The following SLC9A9 variants were observed in gnomAD, a reference collection of about 807,000 sequenced individuals.
SLC9A9 encodes the protein solute carrier family 9 member A9.
In SLC9A9, 62 loss-of-function variants were observed where a neutral mutation model predicts 77.8. The ratio of observed to expected loss-of-function variants is 0.80; its 90% CI spans 0.65 to 0.98. The LOEUF (loss-of-function observed/expected upper bound fraction) is 0.98. SLC9A9 is among the 50% of genes least tolerant of loss of function. SLC9A9 has a pLI of 0.00. For synonymous variants in SLC9A9, 320 were observed against 283.5 expected, an observed-to-expected ratio of 1.13 and a Z score of -1.29; for missense variants, 775 against 774.9, an observed-to-expected ratio of 1.00 and a Z score of 0.00.
At position 143,391,716 on chromosome 3, in the gene SLC9A9, G is replaced by A. The variant is rs994088062; in HGVS notation, c.1470-9602C>T. ...TAAAAACTTTGAAAAAAGATTAGAC[G>A]AATGGCTAACTAGAATAACCAGTGT... On this transcript the variant is annotated intron_variant, in intron 12 of 15. Coordinates refer to ENST00000316549, the MANE Select transcript of SLC9A9 (RefSeq NM_173653.4). Among the ~76,000 whole-genome samples the A allele has an allele frequency of 9.9e-5, 15 of 152,182 alleles. No homozygotes were observed. In the South Asian group the frequency reaches 1.7e-3, roughly 17 times the overall value.
intron 14 of SLC9A9, among the ~76,000 whole-genome samples, chr3:143,326,353 C>T (rs2031602324): frequency 6.6e-6 from 1 of 152,206 alleles, no homozygotes; most frequent in African/African-American, 2.4e-5. Flanking sequence ...TTGATGGACA[C>T]TTAGTTCACT....
chr3:143,374,164 A>G (rs942384307), intron 13 of SLC9A9, among the ~76,000 whole-genome samples: 1 of 151,968 alleles, frequency 6.6e-6, no homozygotes, highest in Non-Finnish European at 1.5e-5. Flanking sequence ...GGTGGCTCAC[A>G]CCTCTAATCC....
chr3:143,762,102 A>G (rs1490485895), intron 4 of SLC9A9, among the ~76,000 whole-genome samples: 1 of 152,134 alleles, frequency 6.6e-6, no homozygotes, highest in Non-Finnish European at 1.5e-5. Context: ...CAAAAAACCA[A>G]ACACCGCATG....
chr3:143,801,119 C>A (rs979752078), intron 2 of SLC9A9, among the ~76,000 whole-genome samples: 8 of 152,188 alleles, frequency 5.3e-5, no homozygotes, highest in Admixed American at 4.6e-4. Context: ...TCTTTCCATT[C>A]CTTGAAGACA....
intron 6 of SLC9A9, among the ~76,000 whole-genome samples, chr3:143,606,127 C>T (rs571249296): frequency 9.5e-5 from 13 of 137,408 alleles, no homozygotes; most frequent in Admixed American, 7.2e-4. Context: ...AGGCTGGGCA[C>T]GGTGGCTCAG....
intron 12 of SLC9A9, among the ~76,000 whole-genome samples, chr3:143,412,202 C>T (rs2034108283): frequency 6.6e-6 from 1 of 152,036 alleles, no homozygotes; most frequent in African/African-American, 2.4e-5. Flanking sequence ...CCAGGTGTTG[C>T]AAGATGCAAT....
chr3:143,406,166 G>A (rs1002651762), intron 12 of SLC9A9, among the ~76,000 whole-genome samples: 8 of 151,948 alleles, frequency 5.3e-5, no homozygotes, highest in Non-Finnish European at 1.2e-4. Flanking sequence ...TTAGTTTTGG[G>A]GTTTCTCTTT....
At chr3:143,554,658 G>A (rs890479374) in intron 8 of SLC9A9, among the ~76,000 whole-genome samples, 2 of 152,136 alleles carry the variant, frequency 1.3e-5, no homozygotes, top group Admixed American at 6.5e-5. Flanking sequence ...ATGGATTCCT[G>A]TGGCTTAAAA....
intron 6 of SLC9A9, among the ~76,000 whole-genome samples, chr3:143,622,795 G>C (rs1319611718): frequency 2.0e-5 from 3 of 152,118 alleles, no homozygotes; most frequent in Non-Finnish European, 4.4e-5. Context: ...TGGGCTAAAT[G>C]CTCCAATTTA....
intron 5 of SLC9A9, among the ~76,000 whole-genome samples, chr3:143,659,595 G>A (rs1224262961): frequency 6.6e-6 from 1 of 152,170 alleles, no homozygotes; most frequent in Non-Finnish European, 1.5e-5. Flanking sequence ...ATTGAGAAGA[G>A]TCAACACTGG....
At chr3:143,649,124 A>T (rs898396466) in intron 6 of SLC9A9, among the ~76,000 whole-genome samples, 7 of 152,176 alleles carry the variant, frequency 4.6e-5, no homozygotes, top group Non-Finnish European at 8.8e-5. Context: ...CTCTTAACCT[A>T]GACTTCTTTC....
chr3:143,802,915 A>G (rs1435391975), intron 2 of SLC9A9, among the ~76,000 whole-genome samples: 2 of 152,138 alleles, frequency 1.3e-5, no homozygotes, highest in African/African-American at 2.4e-5. Context: ...CTTGTCCCAG[A>G]CACCAGCCCT....
chr3:143,470,263 G>T (rs2035355725), intron 11 of SLC9A9, among the ~76,000 whole-genome samples: 1 of 152,012 alleles, frequency 6.6e-6, no homozygotes, highest in South Asian at 2.1e-4. Context: ...TGGATTACCT[G>T]AGGTCAGGAA....
chr3:143,366,932 T>C (rs746163516), intron 13 of SLC9A9, among the ~76,000 whole-genome samples: 4 of 152,156 alleles, frequency 2.6e-5, no homozygotes, highest in Non-Finnish European at 5.9e-5. Flanking sequence ...CCCCAAAACA[T>C]AATGAAAATT....
intron 12 of SLC9A9, among the ~76,000 whole-genome samples, chr3:143,464,160 G>C (rs708484): frequency 2.6e-5 from 4 of 151,990 alleles, no homozygotes; most frequent in Non-Finnish European, 5.9e-5. Flanking sequence ...GTGTCTCTTG[G>C]GTTTCTCCAT....
rs537131568 is a variant in SLC9A9 at position 143,633,953 on chromosome 3, C to CA, written c.755+18301dup. On this transcript the variant is annotated intron_variant, in intron 6 of 15. Transcript: ENST00000316549. Reference sequence around the variant, plus strand: ...CATTGCCCCACACTATCTATTAAAACACCCAAACTGTTGCCTTTATATTGG... The same window carrying CA: ...CATTGCCCCACACTATCTATTAAAACAACCCAAACTGTTGCCTTTATATTGG... Among the ~76,000 whole-genome samples, 54 of 152,290 alleles carry CA rather than the reference C, an allele frequency of 3.5e-4. No individual in the cohort carries two copies. In the East Asian group the frequency reaches 8.7e-3, roughly 24 times the overall value.
intron 1 of SLC9A9, among the ~76,000 whole-genome samples, chr3:143,841,446 A>G (rs748185331): frequency 2.0e-5 from 3 of 152,180 alleles, no homozygotes; most frequent in Non-Finnish European, 4.4e-5. Context: ...TATTTGTGTT[A>G]GCTATTTTTA....
At chr3:143,817,340 G>T in intron 2 of SLC9A9, among the ~76,000 whole-genome samples, 1 of 149,562 alleles carries the variant, frequency 6.7e-6, no homozygotes. Context: ...AGTAGAGACG[G>T]GGTTTCACCT....
chr3:143,315,868 A>G lies in SLC9A9; in HGVS notation c.1605-46888T>C, dbSNP rs191530782. Reference sequence around the variant, plus strand: ...ACAATCCCATGGCCCTATGCTGTGAAGAGCAGAGAAAGAAACATGGCCTGA... The same window carrying G: ...ACAATCCCATGGCCCTATGCTGTGAGGAGCAGAGAAAGAAACATGGCCTGA... On this transcript the variant is annotated intron_variant, in intron 14 of 15. Coordinates refer to ENST00000316549, the MANE Select transcript of SLC9A9 (RefSeq NM_173653.4). Among the ~76,000 whole-genome samples, 249 of 152,362 alleles carry G rather than the reference A, an allele frequency of 1.6e-3. 3 individuals are homozygous for G. The highest frequency in any genetic ancestry group is 5.5e-3 in the African/African-American group (227 of 41,580).
Sources: allele counts gnomAD v4.1 joint callset (sites outside exome capture counted in the v4.1 genomes callset), GRCh38; gene constraint gnomAD v4.1.1; transcripts MANE v1.5; gene names NCBI Gene and HGNC (gene_info 2026-07-23, HGNC 2026-07-21).